Variants in SDK1 observed in about 807,000 individuals in gnomAD.
SDK1 encodes protein sidekick-1.
Under a neutral mutation model 245.5 loss-of-function variants are expected in SDK1, and 157 were observed. The ratio of observed to expected loss-of-function variants is 0.64; its 90% CI spans 0.56 to 0.73. The LOEUF is 0.73. Ranked by LOEUF, SDK1 falls within the 30% of genes least tolerant of loss-of-function variation. The pLI is 0.00. For missense variants in SDK1, 3,583 were observed against 3,002.3 expected, an observed-to-expected ratio of 1.19 and a Z score of -4.52; for synonymous variants, 1,647 against 1,278.5, an observed-to-expected ratio of 1.29 and a Z score of -6.15.
intron 1 of SDK1, among the ~76,000 whole-genome samples, chr7:3,416,363 T>G (rs913797254): frequency 7.2e-5 from 11 of 152,140 alleles, no homozygotes; most frequent in Non-Finnish European, 1.2e-4. Flanking sequence ...TCCTTTCTCT[T>G]TATTAACTTC....
chr7:4,199,837 C>A (rs565988578), intron 35 of SDK1, among the ~76,000 whole-genome samples: 11 of 152,172 alleles, frequency 7.2e-5, no homozygotes, highest in African/African-American at 2.7e-4. Context: ...TCTTGAGGCA[C>A]CTGTACTCAG....
At chr7:3,847,110 C>T (rs1780299773) in intron 5 of SDK1, among the ~76,000 whole-genome samples, 1 of 151,978 alleles carries the variant, frequency 6.6e-6, no homozygotes, top group South Asian at 2.1e-4. Flanking sequence ...GCTGCAATGC[C>T]TCCAGCTCTT....
At chr7:3,720,567 G>C (rs6972682) in intron 4 of SDK1, among the ~76,000 whole-genome samples, 2 of 152,082 alleles carry the variant, frequency 1.3e-5, no homozygotes, top group Non-Finnish European at 2.9e-5. Context: ...AAATAAAAAA[G>C]TTGATAGCAC....
chr7:3,851,750 A>C (rs1232265673), intron 5 of SDK1, among the ~76,000 whole-genome samples: 1 of 152,246 alleles, frequency 6.6e-6, no homozygotes, highest in Non-Finnish European at 1.5e-5. Flanking sequence ...GGTTGAACCC[A>C]GAAGAAACGG....
At position 3,514,752 on chromosome 7, in the gene SDK1, G is replaced by A. The variant is rs79743709; in HGVS notation, c.299-104328G>A. ...TCTCCTTGACCAGAACTGTAGGTAC[G>A]TGGAACAAGGTACATTGTTTTATGC... On this transcript the variant is annotated intron_variant, in intron 1 of 44. Transcript: ENST00000404826. Among the ~76,000 whole-genome samples, 1,423 of 152,290 alleles carry A rather than the reference G, an allele frequency of 9.3e-3. 6 individuals carry two copies. The highest frequency in any genetic ancestry group is 0.015 in the Non-Finnish European group (1,036 of 68,028).
intron 1 of SDK1, among the ~76,000 whole-genome samples, chr7:3,341,108 G>A (rs1368941494): frequency 6.6e-6 from 1 of 152,024 alleles, no homozygotes; most frequent in Non-Finnish European, 1.5e-5. Flanking sequence ...GAACTTAAAG[G>A]CAATGATCCT....
intron 19 of SDK1, 88 bp from the exon 20 acceptor site, chr7:4,067,750 C>G (rs1779994163): frequency 2.1e-6 from 2 of 931,108 alleles, no homozygotes; most frequent in South Asian, 1.6e-5. Flanking sequence ...CACCACTTTC[C>G]TTCCATAGTT....
At chr7:3,658,984 C>T (rs1158622779) in intron 4 of SDK1, among the ~76,000 whole-genome samples, 1 of 152,098 alleles carries the variant, frequency 6.6e-6, no homozygotes, top group Non-Finnish European at 1.5e-5. Context: ...TTGGCAGTCA[C>T]TCATCTTTCT....
intron 1 of SDK1, among the ~76,000 whole-genome samples, chr7:3,435,529 T>C (rs985354516): frequency 6.6e-6 from 1 of 151,032 alleles, no homozygotes; most frequent in African/African-American, 2.4e-5. Context: ...TTATTATTAT[T>C]ATTATTTTGT....
At chr7:4,084,732 T>TTATGTTGTTA (rs371969484) in intron 22 of SDK1, among the ~76,000 whole-genome samples, 1 of 89,180 alleles carries the variant, frequency 1.1e-5, no homozygotes, top group African/African-American at 5.5e-5. Context: ...TTATGTTATG[T>TTATGTTGTTA]TGTTACTTAA....
intron 1 of SDK1, among the ~76,000 whole-genome samples, 191 bp downstream of exon 1, chr7:3,302,075 A>G (rs1042178040): frequency 2.0e-5 from 3 of 151,982 alleles, no homozygotes; most frequent in African/African-American, 7.2e-5. Context: ...AGCCCCGTAG[A>G]GCCTGCACCC....
At chr7:3,875,067 A>G (rs1781041958) in intron 5 of SDK1, among the ~76,000 whole-genome samples, 1 of 152,166 alleles carries the variant, frequency 6.6e-6, no homozygotes, top group African/African-American at 2.4e-5. Context: ...ACTTGGCCTT[A>G]GGCAGTTTAT....
intron 4 of SDK1, among the ~76,000 whole-genome samples, chr7:3,781,235 T>C (rs928885506): frequency 1.3e-5 from 2 of 152,102 alleles, no homozygotes; most frequent in African/African-American, 4.8e-5. Flanking sequence ...ATACATCCTG[T>C]AACTGGCCTG....
intron 4 of SDK1, among the ~76,000 whole-genome samples, chr7:3,700,297 A>G (rs1784704362): frequency 6.6e-6 from 1 of 152,230 alleles, no homozygotes; most frequent in Admixed American, 6.5e-5. Context: ...GCAGAAATAT[A>G]GATAAATAGA....
intron 4 of SDK1, among the ~76,000 whole-genome samples, chr7:3,734,498 TTGTC>T (rs373798974): frequency 3.9e-4 from 60 of 152,340 alleles, no homozygotes; most frequent in African/African-American, 1.4e-3. Flanking sequence ...ACTTTAGTAT[TTGTC>T]TGTTGTAGAA....
chr7:3,821,397 G>A, intron 4 of SDK1, 53 bp from the exon 5 acceptor site: 4 of 1,567,768 alleles, frequency 2.6e-6, no homozygotes, highest in Non-Finnish European at 3.4e-6. Context: ...TGTCTTACAA[G>A]TAGGAAGTTC....
intron 1 of SDK1, among the ~76,000 whole-genome samples, chr7:3,536,290 T>G (rs1251571840): frequency 6.6e-6 from 1 of 151,828 alleles, no homozygotes; most frequent in Non-Finnish European, 1.5e-5. Flanking sequence ...ATGGTCTCGA[T>G]CTCCTGACCT....
chr7:3,848,796 C>T (rs41869), intron 5 of SDK1, among the ~76,000 whole-genome samples: 12 of 152,036 alleles, frequency 7.9e-5, no homozygotes, highest in Non-Finnish European at 1.3e-4. Flanking sequence ...CTCAGCTTCC[C>T]GAGTAGCTGG....
intron 22 of SDK1, among the ~76,000 whole-genome samples, chr7:4,084,024 C>G (rs1447639630): frequency 1.3e-5 from 2 of 152,052 alleles, no homozygotes; most frequent in African/African-American, 4.8e-5. Flanking sequence ...ATGATCTTTG[C>G]CTGAATTAAT....
Sources: gnomAD v4.1 joint callset for allele counts (sites outside exome capture counted in the v4.1 genomes callset) on GRCh38, gnomAD v4.1.1 for gene constraint, MANE v1.5 for transcripts, NCBI Gene and HGNC (gene_info 2026-07-23, HGNC 2026-07-21) for gene names.